Variants in COL24A1 observed in about 807,000 individuals in gnomAD.
COL24A1 encodes the protein collagen alpha-1(XXIV) chain.
A neutral mutation model predicts 253.9 loss-of-function variants in COL24A1; 224 were observed. That is an observed-to-expected ratio of 0.88 (90% CI 0.79 to 0.99). The LOEUF is 0.99. Ranked by LOEUF, COL24A1 falls within the 50% of genes least tolerant of loss-of-function variation. The pLI is 0.00. For synonymous variants in COL24A1, 685 were observed against 673.7 expected, an observed-to-expected ratio of 1.02 and a Z score of -0.26; for missense variants, 2,131 against 2,068.5, an observed-to-expected ratio of 1.03 and a Z score of -0.59.
chr1:85,848,930 T>C (rs910026952), intron 38 of COL24A1, among the ~76,000 whole-genome samples: 2 of 152,186 alleles, frequency 1.3e-5, no homozygotes, highest in Non-Finnish European at 2.9e-5. Context: ...TAGTTCTTCA[T>C]ATATGGAAAA....
chr1:86,123,550 T>G (rs1364132407), intron 3 of COL24A1, among the ~76,000 whole-genome samples: 1 of 152,020 alleles, frequency 6.6e-6, no homozygotes, highest in East Asian at 1.9e-4. Flanking sequence ...AGTAAATATC[T>G]GCTGAATATT....
chr1:86,126,109 T>C lies in COL24A1; in HGVS notation c.227A>G (p.His76Arg), dbSNP rs1648257269. Reference sequence around the variant, plus strand: ...AAAAATGACTCCTGATTCTGTTAAATGGACCCCCTGAGGTAACGGTGTAGA... The same window carrying C: ...AAAAATGACTCCTGATTCTGTTAAACGGACCCCCTGAGGTAACGGTGTAGA... ...SASTPLPQGV[H>R]LTESGVIFKN... Residue 76 changes from histidine (H) to arginine (R), a missense_variant, in exon 3 of 60, where the codon CAT becomes CGT. Physicochemically the swap from His to Arg is conservative, Grantham distance 29. Transcript: ENST00000370571. The C allele has an allele frequency of 1.2e-6, 2 of 1,613,032 alleles. No individual in the cohort carries two copies. Among genetic ancestry groups the C allele is most frequent in the Non-Finnish European group, 1.7e-6 (2 of 1,179,754 alleles).
chr1:85,976,253 GGT>G (rs1692670233), intron 20 of COL24A1, among the ~76,000 whole-genome samples: 1 of 152,138 alleles, frequency 6.6e-6, no homozygotes, highest in South Asian at 2.1e-4. Flanking sequence ...CCTGGGGCAA[GGT>G]CTGAATGCTG....
At chr1:85,844,409 A>C (rs779433127) in intron 39 of COL24A1, among the ~76,000 whole-genome samples, 17 of 152,248 alleles carry the variant, frequency 1.1e-4, no homozygotes, top group Non-Finnish European at 2.2e-4. Context: ...ATATGGCCAA[A>C]GTGGCACTCA....
chr1:86,031,506 A>G (rs1350045676), intron 14 of COL24A1, among the ~76,000 whole-genome samples: 2 of 152,130 alleles, frequency 1.3e-5, no homozygotes, highest in African/African-American at 4.8e-5. Flanking sequence ...GTACCCCCTT[A>G]ATATGTACAG....
chr1:86,128,911 G>A (rs1648733725), intron 2 of COL24A1, among the ~76,000 whole-genome samples: 2 of 151,842 alleles, frequency 1.3e-5, no homozygotes, highest in African/African-American at 4.8e-5. Flanking sequence ...ATATGTATGA[G>A]TTGACTGGTC....
chr1:86,097,369 CTCCT>C (rs1703978476), intron 5 of COL24A1, among the ~76,000 whole-genome samples: 14 of 135,592 alleles, frequency 1.0e-4, no homozygotes, highest in Admixed American at 1.4e-4. Flanking sequence ...TGTTCTTCTT[CTCCT>C]TCTTTCTTCT....
At chr1:86,152,244 G>A (rs1652874926) in intron 1 of COL24A1, among the ~76,000 whole-genome samples, 1 of 152,068 alleles carries the variant, frequency 6.6e-6, no homozygotes, top group Non-Finnish European at 1.5e-5. Flanking sequence ...GCATACTACA[G>A]GTTGAGCACC....
intron 14 of COL24A1, among the ~76,000 whole-genome samples, chr1:86,026,355 T>G (rs1463553834): frequency 6.6e-6 from 1 of 152,212 alleles, no homozygotes. Flanking sequence ...TCATCTGAAT[T>G]GTAGTCTCCA....
intron 22 of COL24A1, 53 bp downstream of exon 22, chr1:85,970,174 A>C: frequency 7.0e-7 from 1 of 1,438,340 alleles, no homozygotes; most frequent in Non-Finnish European, 9.5e-7. Flanking sequence ...ACATTTATAG[A>C]ACAGCTATTT....
chr1:85,895,836 C>T (rs773581269), intron 31 of COL24A1, 22 bp downstream of exon 31: 1 of 1,596,728 alleles, frequency 6.3e-7, no homozygotes, highest in South Asian at 1.1e-5. Context: ...TTTTTCATAG[C>T]ATGATTTTTT....
chr1:85,825,426 T>C (rs1674177063), intron 43 of COL24A1, among the ~76,000 whole-genome samples: 1 of 152,184 alleles, frequency 6.6e-6, no homozygotes, highest in Non-Finnish European at 1.5e-5. Context: ...TATAGTCCTT[T>C]GGTTATATAC....
chr1:85,775,265 T>C (rs974033548), intron 53 of COL24A1, among the ~76,000 whole-genome samples: 2 of 152,152 alleles, frequency 1.3e-5, no homozygotes, highest in Non-Finnish European at 2.9e-5. Context: ...TTCTTTTACA[T>C]TTGCTGAGGA....
Position 85,988,227 on chromosome 1 carries a change from G to T in COL24A1, c.2311-573C>A, listed in dbSNP as rs187480356. Among the ~76,000 whole-genome samples, 229 of 151,804 alleles carry T rather than the reference G, an allele frequency of 1.5e-3. 1 individual carries two copies. Among genetic ancestry groups the T allele is most frequent in the African/African-American group, 5.2e-3 (215 of 41,474 alleles). On this transcript the variant is annotated intron_variant, in intron 19 of 59. Transcript: ENST00000370571. The stretch of plus-strand genomic sequence containing the variant: ...TCTATAAATACTTAAGTCCTCAAAG[G>T]CTCTATGAACCATTATCTTACAAGT...
intron 55 of COL24A1, among the ~76,000 whole-genome samples, chr1:85,746,786 G>C (rs1665269089): frequency 6.6e-6 from 1 of 152,158 alleles, no homozygotes; most frequent in Non-Finnish European, 1.5e-5. Flanking sequence ...GACTATTCAA[G>C]TAGCAAAGAG....
At chr1:86,013,877 A>C (rs1696764451) in intron 19 of COL24A1, among the ~76,000 whole-genome samples, 1 of 151,944 alleles carries the variant, frequency 6.6e-6, no homozygotes, top group Non-Finnish European at 1.5e-5. Context: ...CTTATCCAAA[A>C]ATTACCTTAA....
chr1:85,933,087 T>TCAA (rs1274198372), intron 24 of COL24A1, among the ~76,000 whole-genome samples: 1 of 123,630 alleles, frequency 8.1e-6, no homozygotes, highest in Non-Finnish European at 1.6e-5. Flanking sequence ...TAGAGTATAA[T>TCAA]AAAAAAAAAA....
At chr1:86,017,005 G>GA (rs1697054067) in intron 19 of COL24A1, 146 bp downstream of exon 19, 10 of 746,976 alleles carry the variant, frequency 1.3e-5, no homozygotes, top group Admixed American at 3.4e-5. Flanking sequence ...TGACATAACA[G>GA]AAAAAATGTA....
In COL24A1 at chr1:86,007,686, A is replaced by G. The variant is rs886364183; in HGVS notation, c.2310+9465T>C. ...ATGGAGGAACCTTAATTGCATATTA[A>G]TATGTAAAAGAAGTCAATCTAAAAA... On this transcript the variant is annotated intron_variant, in intron 19 of 59. Coordinates refer to ENST00000370571, the MANE Select transcript of COL24A1 (RefSeq NM_152890.7). Among the ~76,000 whole-genome samples the G allele has an allele frequency of 5.9e-5, 9 of 152,184 alleles. 1 individual carries two copies. Among genetic ancestry groups the G allele is most frequent in the Admixed American group, 2.0e-4 (3 of 15,264 alleles).
Sources: allele counts gnomAD v4.1 joint callset (sites outside exome capture counted in the v4.1 genomes callset), GRCh38; gene constraint gnomAD v4.1.1; transcripts MANE v1.5; gene names NCBI Gene and HGNC (gene_info 2026-07-23, HGNC 2026-07-21).